The following MINDY3 variants were observed in gnomAD, a reference collection of about 807,000 sequenced individuals.
The protein encoded by MINDY3 is ubiquitin carboxyl-terminal hydrolase MINDY-3.
A neutral mutation model predicts 69.2 loss-of-function variants in MINDY3; 38 were observed. The observed-to-expected ratio is 0.55, with a 90% CI of 0.42 to 0.72. The LOEUF (loss-of-function observed/expected upper bound fraction) is 0.72, where lower values mean the gene tolerates loss of function less well. Ranked by LOEUF, MINDY3 falls within the 30% of genes least tolerant of loss-of-function variation. The probability of loss-of-function intolerance (pLI) is 0.00; values close to 1 mark genes in which losing one functional copy is unlikely to be tolerated. For missense variants in MINDY3, 522 were observed against 519.0 expected, an observed-to-expected ratio of 1.01 and a Z score of -0.06; for synonymous variants, 192 against 180.1, an observed-to-expected ratio of 1.07 and a Z score of -0.53.
At chr10:15,809,050 C>T (rs1301983233) in intron 10 of MINDY3, among the ~76,000 whole-genome samples, 2 of 152,106 alleles carry the variant, frequency 1.3e-5, no homozygotes, top group Non-Finnish European at 2.9e-5. Context: ...TTAAAGTGCC[C>T]ATTTTGAATT....
chr10:15,838,066 A>C, intron 5 of MINDY3, 162 bp downstream of exon 5: 2 of 983,554 alleles, frequency 2.0e-6, no homozygotes, highest in Non-Finnish European at 2.4e-6. Context: ...TTTACAAACT[A>C]TTTTAATTTA....
chr10:15,824,023 T>C (rs1406721995), intron 8 of MINDY3, among the ~76,000 whole-genome samples: 1 of 152,222 alleles, frequency 6.6e-6, no homozygotes, highest in Non-Finnish European at 1.5e-5. Context: ...TCTTTATCCA[T>C]TGACCTGTTG....
At chr10:15,835,051 A>C (rs2132062249) in intron 6 of MINDY3, among the ~76,000 whole-genome samples, 1 of 152,234 alleles carries the variant, frequency 6.6e-6, no homozygotes, top group South Asian at 2.1e-4. Context: ...ACATTAAATA[A>C]TTTGCGTTTT....
Position 15,816,883 on chromosome 10 carries a change from A to G in MINDY3, c.834T>C (p.Pro278=), listed in dbSNP as rs1240913315. Residue 278 remains proline, a synonymous_variant, in exon 10 of 15, where the codon CCT becomes CCC. Transcript: ENST00000277632. The part of the protein sequence containing the change: ...VGSYLKSPKF[P]IWIVGSETHL... Reference sequence around the variant, plus strand: ...GAGTCTCACTGCCAACAATCCAAATAGGGAATTTTGGAGATTTCAAGTAAG... The same window carrying G: ...GAGTCTCACTGCCAACAATCCAAATGGGGAATTTTGGAGATTTCAAGTAAG... 1 of 1,613,352 alleles carries G rather than the reference A, an allele frequency of 6.2e-7. No individual in the cohort carries two copies. The highest frequency in any genetic ancestry group is 8.5e-7 in the Non-Finnish European group (1 of 1,179,606).
At chr10:15,849,843 T>C (rs1165648109) in intron 1 of MINDY3, among the ~76,000 whole-genome samples, 1 of 152,126 alleles carries the variant, frequency 6.6e-6, no homozygotes, top group Non-Finnish European at 1.5e-5. Flanking sequence ...CAATCAGCAC[T>C]CCATCACTCT....
chr10:15,821,756 C>T (rs377193908), intron 8 of MINDY3, 30 bp from the exon 9 acceptor site: 141 of 1,587,502 alleles, frequency 8.9e-5, no homozygotes, highest in Admixed American at 3.1e-4. Flanking sequence ...CAACAAAAAA[C>T]GAAAACTTAG....
intron 8 of MINDY3, among the ~76,000 whole-genome samples, chr10:15,828,546 T>C (rs1307696455): frequency 2.0e-5 from 3 of 150,520 alleles, no homozygotes; most frequent in African/African-American, 4.9e-5. Context: ...ATGGGTGACA[T>C]GCATACGTGA....
At chr10:15,815,141 T>C (rs1232478026) in intron 10 of MINDY3, among the ~76,000 whole-genome samples, 2 of 152,236 alleles carry the variant, frequency 1.3e-5, no homozygotes, top group African/African-American at 4.8e-5. Context: ...AATTTTCTTT[T>C]ATGGTAATTT....
chr10:15,793,996 G>A (rs573685891), intron 11 of MINDY3, among the ~76,000 whole-genome samples: 15 of 152,178 alleles, frequency 9.9e-5, no homozygotes, highest in African/African-American at 3.4e-4. Context: ...ATTTAATTAG[G>A]AATATACCCA....
At chr10:15,835,611 T>C (rs898510970) in intron 6 of MINDY3, among the ~76,000 whole-genome samples, 1 of 152,058 alleles carries the variant, frequency 6.6e-6, no homozygotes, top group African/African-American at 2.4e-5. Flanking sequence ...TGATAATTTA[T>C]TGGCTGTAAA....
rs144807839 is a variant in MINDY3 at position 15,840,771 on chromosome 10, T to A, written c.409+655A>T. ...TTCCGTACCACTAGCTGTCTCCATT[T>A]CACACTGGCAGCTTTCGGGTCAATT... On this transcript the variant is annotated intron_variant, in intron 4 of 14. Transcript: ENST00000277632. Among the ~76,000 whole-genome samples, 369 of 151,804 alleles carry A rather than the reference T, an allele frequency of 2.4e-3. 3 individuals are homozygous for A. The highest frequency in any genetic ancestry group is 7.5e-3 in the African/African-American group (313 of 41,524).
chr10:15,830,706 C>T (rs1004014662), intron 8 of MINDY3, among the ~76,000 whole-genome samples: 6 of 152,202 alleles, frequency 3.9e-5, no homozygotes, highest in African/African-American at 1.4e-4. Flanking sequence ...TGCAGTGTGC[C>T]ACCTTCAGGG....
intron 8 of MINDY3, among the ~76,000 whole-genome samples, chr10:15,827,110 C>T (rs1199574201): frequency 6.7e-6 from 1 of 148,386 alleles, no homozygotes; most frequent in African/African-American, 2.5e-5. Flanking sequence ...GAGCGAGACC[C>T]CGTCTCTAAA....
chr10:15,819,881 A>G (rs1564493160), intron 9 of MINDY3, among the ~76,000 whole-genome samples: 1 of 152,194 alleles, frequency 6.6e-6, no homozygotes, highest in East Asian at 1.9e-4. Context: ...TCTTGAGGGG[A>G]AAAACGTTCT....
chr10:15,847,834 C>T lies in MINDY3; in HGVS notation c.174+30G>A, dbSNP rs745674120. ...GTATGAAACGTTTCAAAATGTCCCT[C>T]TAAGGAGTTGGTAAAGGAGTCTATG... On this transcript the variant is annotated intron_variant, in intron 2 of 14. Transcript: ENST00000277632. The T allele has an allele frequency of 1.9e-6, 3 of 1,541,920 alleles. 1 individual carries two copies. In the South Asian group the frequency reaches 3.3e-5, roughly 17 times the overall value.
chr10:15,837,189 T>A lies in MINDY3; in HGVS notation c.576+15A>T. On this transcript the variant is annotated intron_variant, in intron 6 of 14. Coordinates refer to ENST00000277632, the MANE Select transcript of MINDY3 (RefSeq NM_024948.4). The stretch of plus-strand genomic sequence containing the variant: ...ACATTAATCAAAGGCAGAAAAATCA[T>A]CTTCTTGAACACACCTTTGTCAGTA... 1 of 1,457,848 alleles carries A rather than the reference T, an allele frequency of 6.9e-7. No homozygotes were observed. The highest frequency in any genetic ancestry group is 9.4e-7 in the Non-Finnish European group (1 of 1,059,362). The allele number at this position is 1,457,848 out of a possible 1,614,324, so 90.3% of individuals were successfully genotyped here. A position where few individuals can be genotyped will look rare whatever the true frequency, so the allele number is the denominator to read the frequency against.
At chr10:15,785,736 AC>A (rs1836907359) in intron 13 of MINDY3, among the ~76,000 whole-genome samples, 1 of 152,170 alleles carries the variant, frequency 6.6e-6, no homozygotes, top group African/African-American at 2.4e-5. Flanking sequence ...CTTGAGTTTA[AC>A]AATCTTTTTT....
intron 1 of MINDY3, among the ~76,000 whole-genome samples, chr10:15,858,348 A>C (rs1834842054): frequency 6.6e-6 from 1 of 152,240 alleles, no homozygotes; most frequent in South Asian, 2.1e-4. Context: ...CGTTCTAATA[A>C]GTCATTATAA....
chr10:15,795,698 ATGATCTTCCTC>A (rs1837764657), intron 11 of MINDY3, among the ~76,000 whole-genome samples: 1 of 152,072 alleles, frequency 6.6e-6, no homozygotes, highest in Non-Finnish European at 1.5e-5. Flanking sequence ...AATGATTCAG[ATGATCTTCCTC>A]TGCTTCTTTA....
Sources: allele counts gnomAD v4.1 joint callset (sites outside exome capture counted in the v4.1 genomes callset), GRCh38; gene constraint gnomAD v4.1.1; transcripts MANE v1.5; gene names NCBI Gene and HGNC (gene_info 2026-07-23, HGNC 2026-07-21).